The following ZCCHC14 variants were observed in gnomAD, a reference collection of about 807,000 sequenced individuals.
ZCCHC14 encodes zinc finger CCHC-type containing 14.
A neutral mutation model predicts 85.0 loss-of-function variants in ZCCHC14; 16 were observed. The ratio of observed to expected loss-of-function variants is 0.19; its 90% confidence interval spans 0.13 to 0.29. ZCCHC14 has a LOEUF of 0.29. Among genes scored for constraint, ZCCHC14 ranks in the 10% least tolerant of loss-of-function variants. The pLI is 1.00. For synonymous variants in ZCCHC14, 775 were observed against 630.7 expected (o/e 1.23, Z -3.43); for missense variants, 1,303 against 1,443.5 (o/e 0.90, Z 1.58).
At chr16:87,469,744 C>G (rs1163816469) in intron 1 of ZCCHC14, among the ~76,000 whole-genome samples, 3 of 152,118 alleles carry the variant, frequency 2.0e-5, no homozygotes, top group Admixed American at 6.5e-5. Flanking sequence ...AGGAGGGGCA[C>G]CGGCAACTGG....
chr16:87,462,984 C>T (rs1380081291), intron 1 of ZCCHC14, among the ~76,000 whole-genome samples: 1 of 151,622 alleles, frequency 6.6e-6, no homozygotes, highest in Admixed American at 6.6e-5. Context: ...AGGAGAATCG[C>T]TTGAACCCCG....
chr16:87,468,875 G>T (rs1218913524), intron 1 of ZCCHC14, among the ~76,000 whole-genome samples: 1 of 152,162 alleles, frequency 6.6e-6, no homozygotes, highest in East Asian at 1.9e-4. Context: ...GGCCCTCCCT[G>T]ATACAGTTTA....
chr16:87,466,065 G>A (rs773798310), intron 1 of ZCCHC14, among the ~76,000 whole-genome samples: 22 of 152,332 alleles, frequency 1.4e-4, no homozygotes, highest in Non-Finnish European at 2.8e-4. Flanking sequence ...GCCTGCAGAA[G>A]AGCTGACGCT....
At chr16:87,487,822 T>G (rs1490397540) in intron 1 of ZCCHC14, among the ~76,000 whole-genome samples, 2 of 152,142 alleles carry the variant, frequency 1.3e-5, no homozygotes, top group African/African-American at 4.8e-5. Flanking sequence ...GAGGAAGTGC[T>G]GACACACCCA....
intron 1 of ZCCHC14, chr16:87,470,770 T>G (rs886198810): frequency 6.6e-6 from 1 of 152,212 alleles, no homozygotes; most frequent in African/African-American, 2.4e-5. Flanking sequence ...TCACAGATAA[T>G]GTGAAAATGG....
rs1377966147 is a variant in ZCCHC14 at position 87,492,901 on chromosome 16, C to A, written c.-663G>T. On this transcript the variant is annotated 5_prime_UTR_variant, in exon 1 of 13. Transcript: ENST00000671377. The surrounding 1 kb of genome is among the most constrained non-coding windows in gnomAD (Gnocchi z 6.7). ...CTCCCGCGCGGCGGACGGATCCGGG[C>A]CCGAGCGCGGCGGCGGCGGCGACGG... Among the ~76,000 whole-genome samples the A allele has an allele frequency of 6.7e-6, 1 of 148,442 alleles. No homozygotes were observed. The highest frequency in any genetic ancestry group is 2.5e-5 in the African/African-American group (1 of 40,772).
chr16:87,486,710 T>TA (rs1310037798), intron 1 of ZCCHC14, among the ~76,000 whole-genome samples: 4 of 152,208 alleles, frequency 2.6e-5, no homozygotes, highest in African/African-American at 7.2e-5. Flanking sequence ...GAATATTATC[T>TA]CCTGTATCTC....
intron 1 of ZCCHC14, among the ~76,000 whole-genome samples, chr16:87,486,086 C>T (rs1912502951): frequency 6.6e-6 from 1 of 152,144 alleles, no homozygotes; most frequent in African/African-American, 2.4e-5. Context: ...TGTGAACTAG[C>T]TCATGTCAAA....
At chr16:87,447,458 C>G (rs1261049319) in intron 2 of ZCCHC14, among the ~76,000 whole-genome samples, 2 of 152,208 alleles carry the variant, frequency 1.3e-5, no homozygotes, top group East Asian at 1.9e-4. Flanking sequence ...AAGTCTTGAA[C>G]GTCATATAAA....
At position 87,420,828 on chromosome 16, in the gene ZCCHC14, C is replaced by G. The variant is rs1909057429; in HGVS notation, c.841-112G>C. On this transcript the variant is annotated intron_variant, in intron 4 of 12. Coordinates refer to ENST00000671377, the MANE Select transcript of ZCCHC14 (RefSeq NM_015144.3). The surrounding 1 kb of genome is among the most constrained non-coding windows in gnomAD (Gnocchi z 5.0). ...GTGCTCCATGGTGCCGCCTGCTGGT[C>G]TGATATGATTTACACCTCCCGTCAG... is the stretch of plus-strand genomic sequence containing the variant. 3.7e-6 allele frequency: 3 copies of G among 820,750 alleles called. No individual in the cohort carries two copies. Among genetic ancestry groups the G allele is most frequent in the Non-Finnish European group, 5.7e-6 (3 of 523,556 alleles). The allele number at this position is 820,750 out of a possible 1,614,324, so 50.8% of individuals were successfully genotyped here.
At chr16:87,454,600 AGTGAAAGAAAT>A (rs1213947536) in intron 2 of ZCCHC14, among the ~76,000 whole-genome samples, 1 of 152,282 alleles carries the variant, frequency 6.6e-6, no homozygotes, top group African/African-American at 2.4e-5. Context: ...GCAGAACTGC[AGTGAAAGAAAT>A]GTGAAAGGAA....
chr16:87,428,241 A>T (rs1163407663), intron 3 of ZCCHC14, among the ~76,000 whole-genome samples: 1 of 152,230 alleles, frequency 6.6e-6, no homozygotes, highest in Non-Finnish European at 1.5e-5. Context: ...ACAACGATAC[A>T]TAAAAATTAA....
chr16:87,411,328 G>C (rs150837301), intron 12 of ZCCHC14, 188 bp downstream of exon 12: 1 of 1,481,604 alleles, frequency 6.7e-7, no homozygotes. Flanking sequence ...CATCATGGCC[G>C]TTTTAGACCC....
intron 2 of ZCCHC14, among the ~76,000 whole-genome samples, chr16:87,456,950 G>C (rs910154960): frequency 3.3e-5 from 5 of 152,212 alleles, no homozygotes; most frequent in African/African-American, 9.6e-5. Flanking sequence ...AAAGTCCAAA[G>C]TTACAGAACT....
At chr16:87,421,759 G>T (rs1233173867) in intron 4 of ZCCHC14, among the ~76,000 whole-genome samples, 1 of 152,194 alleles carries the variant, frequency 6.6e-6, no homozygotes. Context: ...GGGTAACAGA[G>T]GCAGCAAGAG....
intron 2 of ZCCHC14, among the ~76,000 whole-genome samples, chr16:87,436,450 C>A (rs970247843): frequency 3.9e-5 from 6 of 152,254 alleles, no homozygotes; most frequent in African/African-American, 1.4e-4. Flanking sequence ...GAAGACCAGG[C>A]ACAAGGAGTG....
At chr16:87,423,601 AGGCATCCGC>A (rs1374942412) in intron 4 of ZCCHC14, among the ~76,000 whole-genome samples, 200 bp downstream of exon 4, 7 of 152,166 alleles carry the variant, frequency 4.6e-5, no homozygotes, top group African/African-American at 1.7e-4. Flanking sequence ...CAAGTGAAGG[AGGCATCCGC>A]GGGGTCACGG....
rs760739334 is a variant in ZCCHC14 at position 87,411,992 on chromosome 16, G to A, written c.2729C>T (p.Pro910Leu). Residue 910 changes from proline (P) to leucine (L), a missense_variant, in exon 12 of 13, where the codon CCG (proline) becomes CTG (leucine). Physicochemically the swap from Pro to Leu is moderately conservative, Grantham distance 98 (BLOSUM62 -3). Around this residue, in one of 7 missense-constraint regions of ZCCHC14, gnomAD observed 797 missense variants for 730.8 expected, o/e 1.09. Transcript: ENST00000671377. ...GGGTGGGGCGGGCTGCGGGGGTGCC[G>A]GGGGCTGCTGATGGTGGTGGTGGTG... ...HHHHHHHQQP[P>L]APPQPAPPPP... The A allele has an allele frequency of 7.5e-6, 12 of 1,608,690 alleles. No homozygotes were observed. The highest frequency in any genetic ancestry group is 4.4e-5 in the South Asian group (4 of 90,900).
chr16:87,456,327 G>A (rs1350578137), intron 2 of ZCCHC14, among the ~76,000 whole-genome samples: 1 of 151,958 alleles, frequency 6.6e-6, no homozygotes, highest in Non-Finnish European at 1.5e-5. Context: ...TCAGGAGATC[G>A]AGACTATCCT....
Sources: allele counts gnomAD v4.1 joint callset (sites outside exome capture counted in the v4.1 genomes callset), GRCh38; gene constraint gnomAD v4.1.1; regional missense constraint gnomAD v4.1.1; non-coding constraint Gnocchi (gnomAD v3.1); transcripts MANE v1.5; gene names NCBI Gene and HGNC (gene_info 2026-07-23, HGNC 2026-07-21).